POLR3B: variants seen among roughly 807,000 people sequenced by gnomAD.
POLR3B encodes RNA polymerase III subunit B, also known as DNA-directed RNA polymerase III subunit RPC2.
In POLR3B, 96 loss-of-function variants were observed where a neutral mutation model predicts 147.4. The ratio of observed to expected loss-of-function variants is 0.65; its 90% CI spans 0.55 to 0.77. The LOEUF (loss-of-function observed/expected upper bound fraction) is 0.77, where lower values mean the gene tolerates loss of function less well. Among genes scored for constraint, POLR3B ranks in the 30% least tolerant of loss-of-function variants. POLR3B has a pLI of 0.00. For missense variants in POLR3B, 1,036 were observed against 1,413.5 expected (o/e 0.73, Z 4.28); for synonymous variants, 461 against 485.9 (o/e 0.95, Z 0.67).
chr12:106,366,610 A>G (rs1214154362), intron 3 of POLR3B, 38 bp downstream of exon 3: 6 of 1,597,138 alleles, frequency 3.8e-6, no homozygotes, highest in Admixed American at 1.7e-5. Context: ...TAAACTAAGG[A>G]TTAATTGGAA....
chr12:106,481,996 T>C (rs996067790), intron 23 of POLR3B, among the ~76,000 whole-genome samples: 3 of 152,226 alleles, frequency 2.0e-5, no homozygotes, highest in African/African-American at 7.2e-5. Flanking sequence ...AAATTAATTT[T>C]AAAATGTTTA....
intron 25 of POLR3B, chr12:106,499,998 G>C: frequency 2.3e-6 from 1 of 437,162 alleles, no homozygotes; most frequent in Non-Finnish European, 4.6e-6. Flanking sequence ...GAGTTTACTT[G>C]TTCCAAATCA....
At chr12:106,476,097 A>G (rs1332452326) in intron 23 of POLR3B, among the ~76,000 whole-genome samples, 2 of 144,608 alleles carry the variant, frequency 1.4e-5, no homozygotes, top group South Asian at 4.7e-4. Flanking sequence ...GCTTGTCTGT[A>G]AAGTATTTTA....
At chr12:106,442,016 G>T (rs1236637734) in intron 18 of POLR3B, among the ~76,000 whole-genome samples, 1 of 151,176 alleles carries the variant, frequency 6.6e-6, no homozygotes, top group East Asian at 1.9e-4. Flanking sequence ...GGAGGCGGAG[G>T]TTGCAGTGAG....
chr12:106,436,802 C>G (rs1427603111), intron 16 of POLR3B, among the ~76,000 whole-genome samples: 1 of 152,136 alleles, frequency 6.6e-6, no homozygotes, highest in Non-Finnish European at 1.5e-5. Context: ...GCAGGAAGCA[C>G]TGTGTGTGTG....
At chr12:106,411,151 CTTTT>C (rs1565888211) in intron 12 of POLR3B, among the ~76,000 whole-genome samples, 191 bp downstream of exon 12, 4 of 149,364 alleles carry the variant, frequency 2.7e-5, no homozygotes, top group Non-Finnish European at 6.0e-5. Flanking sequence ...TTTTTGTTTT[CTTTT>C]GAGACGGAGT....
intron 19 of POLR3B, among the ~76,000 whole-genome samples, chr12:106,448,372 G>C (rs1185233031): frequency 6.8e-6 from 1 of 147,216 alleles, no homozygotes; most frequent in East Asian, 2.0e-4. Flanking sequence ...GTTAATATTG[G>C]TCATAAATAA....
At chr12:106,390,703 CAAA>C (rs35671254) in intron 9 of POLR3B, among the ~76,000 whole-genome samples, 2 of 117,464 alleles carry the variant, frequency 1.7e-5, no homozygotes, top group African/African-American at 2.8e-5. Context: ...AACTTGTTTG[CAAA>C]AAAAAAAAAA....
At position 106,491,233 on chromosome 12, in the gene POLR3B, C is replaced by T. The variant is rs150010325; in HGVS notation, c.2714-4822C>T. On this transcript the variant is annotated intron_variant, in intron 23 of 27. Coordinates refer to ENST00000228347, the MANE Select transcript of POLR3B (RefSeq NM_018082.6). ...TCATGAGATAGGTGCTAATTATTCC[C>T]GTTACAAAGAGCAAACAACTAAGGC... 3.9e-5 allele frequency among the ~76,000 whole-genome samples: 6 copies of T among 152,248 alleles called. No individual in the cohort carries two copies. The East Asian group carries it at 7.7e-4, about 20-fold the overall frequency.
intron 16 of POLR3B, 66 bp downstream of exon 16, chr12:106,433,938 G>A: frequency 7.5e-7 from 1 of 1,336,790 alleles, no homozygotes; most frequent in South Asian, 1.2e-5. Flanking sequence ...GAAAGAAATA[G>A]ACTTGTTTTT....
chr12:106,411,006 A>G (rs1407199217), intron 12 of POLR3B, 46 bp downstream of exon 12: 2 of 1,578,836 alleles, frequency 1.3e-6, no homozygotes, highest in Admixed American at 3.3e-5. Flanking sequence ...CTTAATGAAA[A>G]TTAATTTGGT....
chr12:106,427,813 G>A (rs915157913), intron 13 of POLR3B, among the ~76,000 whole-genome samples: 6 of 152,126 alleles, frequency 3.9e-5, no homozygotes, highest in African/African-American at 1.2e-4. Context: ...GATGAATTCA[G>A]TTCTCGGCAG....
intron 12 of POLR3B, among the ~76,000 whole-genome samples, chr12:106,421,793 G>A (rs2037377348): frequency 6.6e-6 from 1 of 152,044 alleles, no homozygotes; most frequent in East Asian, 1.9e-4. Context: ...TCCACTTCCT[G>A]GGTTCAGGTG....
intron 12 of POLR3B, among the ~76,000 whole-genome samples, chr12:106,416,139 T>G (rs1266274771): frequency 6.6e-6 from 1 of 152,170 alleles, no homozygotes; most frequent in East Asian, 1.9e-4. Flanking sequence ...GTCATTAGTT[T>G]GAAACAGATT....
intron 9 of POLR3B, among the ~76,000 whole-genome samples, chr12:106,380,746 C>A (rs567540185): frequency 7.9e-5 from 12 of 152,166 alleles, no homozygotes; most frequent in Non-Finnish European, 1.5e-4. Flanking sequence ...AAGACCCAGT[C>A]TCAAAACCAA....
rs2038481212 is a variant in POLR3B, at chr12:106,496,167, C to T, written c.2817+9C>T. 7.8e-6 allele frequency: 12 copies of T among 1,528,674 alleles called. No individual in the cohort carries two copies. The East Asian group carries it at 2.7e-4, about 34-fold the overall frequency. 94.7% of individuals were successfully genotyped at this position (1,528,674 alleles called of 1,614,324 possible). On this transcript the variant is annotated intron_variant, in intron 24 of 27. Transcript: ENST00000228347. The stretch of plus-strand genomic sequence containing the variant: ...TCCCATCACGAATGACGGTCAGTGA[C>T]CTGTAGGTTTTTCAGAGGCATTGCC...
intron 1 of POLR3B, among the ~76,000 whole-genome samples, chr12:106,359,331 ATTTTTTT>A (rs35229993): frequency 7.4e-6 from 1 of 134,908 alleles, no homozygotes; most frequent in African/African-American, 2.8e-5. Flanking sequence ...AGGCAAAACT[ATTTTTTT>A]TTTTTTTTTT....
At chr12:106,389,989 T>C (rs1413062967) in intron 9 of POLR3B, among the ~76,000 whole-genome samples, 1 of 152,134 alleles carries the variant, frequency 6.6e-6, no homozygotes, top group Admixed American at 6.5e-5. Flanking sequence ...GAGACTGAGG[T>C]GGGTGGATCA....
intron 6 of POLR3B, among the ~76,000 whole-genome samples, chr12:106,372,775 C>T (rs2036627201): frequency 6.6e-6 from 1 of 152,132 alleles, no homozygotes; most frequent in South Asian, 2.1e-4. Flanking sequence ...CTCCCTTCGT[C>T]TTCCAATTTT....
Sources: allele counts gnomAD v4.1 joint callset (sites outside exome capture counted in the v4.1 genomes callset), GRCh38; gene constraint gnomAD v4.1.1; transcripts MANE v1.5; gene names NCBI Gene and HGNC (gene_info 2026-07-23, HGNC 2026-07-21).